Variants in WWC2 observed in about 807,000 individuals in gnomAD.
The protein encoded by WWC2 is WW and C2 domain containing 2, also known as protein WWC2.
Under a neutral mutation model 138.5 loss-of-function variants are expected in WWC2, and 101 were observed. That is an observed-to-expected ratio of 0.73 (90% CI 0.62 to 0.86). The LOEUF is 0.86. Among genes scored for constraint, WWC2 ranks in the 40% least tolerant of loss-of-function variants. The probability of loss-of-function intolerance (pLI) is 0.00; values close to 1 mark genes in which losing one functional copy is unlikely to be tolerated. For missense variants in WWC2, 1,420 were observed against 1,419.4 expected (o/e 1.00, Z -0.01); for synonymous variants, 558 against 538.4 (o/e 1.04, Z -0.50).
Position 183,259,733 on chromosome 4 carries a change from G to A in WWC2, c.1286+5G>A, listed in dbSNP as rs771055350. ...TTTGCATTCACAACTTAAAAGGTGA[G>A]CTTATCAGATTTTTGAGGGGAAAGC... On this transcript the variant is annotated splice_donor_5th_base_variant and intron_variant, in intron 10 of 22. Coordinates refer to ENST00000403733, the MANE Select transcript of WWC2 (RefSeq NM_024949.6). The A allele has an allele frequency of 2.0e-5, 31 of 1,532,904 alleles. No individual in the cohort carries two copies. The South Asian group carries it at 3.8e-4, about 19-fold the overall frequency. 95.0% of individuals were successfully genotyped at this position (1,532,904 alleles called of 1,614,324 possible).
At chr4:183,201,481 G>A (rs1735296691) in intron 2 of WWC2, among the ~76,000 whole-genome samples, 1 of 152,054 alleles carries the variant, frequency 6.6e-6, no homozygotes, top group Non-Finnish European at 1.5e-5. Flanking sequence ...GCTTCTCTTG[G>A]CCTCAAAAGG....
intron 2 of WWC2, among the ~76,000 whole-genome samples, chr4:183,195,431 C>A (rs564382089): frequency 6.8e-4 from 104 of 152,334 alleles, no homozygotes; most frequent in African/African-American, 2.4e-3. Context: ...AACCCACCTT[C>A]AGGGCTTCCT....
chr4:183,267,531 C>G (rs905444757), intron 14 of WWC2, among the ~76,000 whole-genome samples: 1 of 152,214 alleles, frequency 6.6e-6, no homozygotes, highest in African/African-American at 2.4e-5. Flanking sequence ...TAATGCACAA[C>G]TTCAGGAGAA....
intron 1 of WWC2, among the ~76,000 whole-genome samples, chr4:183,177,890 C>T (rs1734509585): frequency 6.6e-6 from 1 of 152,108 alleles, no homozygotes; most frequent in Non-Finnish European, 1.5e-5. Flanking sequence ...ATGATCTTCA[C>T]ATTCTGGAAG....
chr4:183,150,196 G>A (rs532610056), intron 1 of WWC2, among the ~76,000 whole-genome samples: 1 of 152,300 alleles, frequency 6.6e-6, no homozygotes. Context: ...CATTTCAGCT[G>A]CCCAGTTTTT....
At chr4:183,181,572 A>G (rs1171938749) in intron 1 of WWC2, among the ~76,000 whole-genome samples, 3 of 152,180 alleles carry the variant, frequency 2.0e-5, no homozygotes, top group Non-Finnish European at 2.9e-5. Context: ...TGGTTTTCTT[A>G]ATGACTTTTT....
At chr4:183,139,357 A>G (rs140196367) in intron 1 of WWC2, among the ~76,000 whole-genome samples, 153 of 152,284 alleles carry the variant, frequency 1.0e-3, no homozygotes, top group Non-Finnish European at 8.4e-4. Flanking sequence ...TTCAGACTCT[A>G]TAATGGCCTA....
chr4:183,191,265 G>A lies in WWC2; in HGVS notation c.132-2334G>A, dbSNP rs148350990. On this transcript the variant is annotated intron_variant, in intron 1 of 22. Transcript: ENST00000403733. ...AGACAGAATTTGAGCACAATTCTAA[G>A]AATAAAATGTTTTGCATTTGAACTC... 7.0e-4 allele frequency among the ~76,000 whole-genome samples: 107 copies of A among 152,170 alleles called. No individual in the cohort carries two copies. In the Middle Eastern group the frequency reaches 0.02, roughly 29 times the overall value.
rs563488080 is a variant in WWC2, at chr4:183,268,885, C to G, written c.2208-86C>G. Reference sequence around the variant, plus strand: ...TGAACTCCACGATCCCTCATTTTCTCTCTTTGCAGATAATTTCAAATGATA... The same window carrying G: ...TGAACTCCACGATCCCTCATTTTCTGTCTTTGCAGATAATTTCAAATGATA... On this transcript the variant is annotated intron_variant, in intron 14 of 22. Coordinates refer to ENST00000403733, the MANE Select transcript of WWC2 (RefSeq NM_024949.6). 1.1e-5 allele frequency: 15 copies of G among 1,346,830 alleles called. No homozygotes were observed. The East Asian group carries it at 3.2e-4, about 29-fold the overall frequency. The allele number at this position is 1,346,830 out of a possible 1,614,324, so 83.4% of individuals were successfully genotyped here.
intron 1 of WWC2, among the ~76,000 whole-genome samples, chr4:183,103,375 C>T (rs77408613): frequency 0.083 from 12,181 of 147,182 alleles, 703 homozygotes; most frequent in South Asian, 0.18. Context: ...GTTCTGTTGC[C>T]CAAGTTGGAG....
intron 1 of WWC2, among the ~76,000 whole-genome samples, chr4:183,174,481 C>T (rs1328549357): frequency 6.6e-6 from 1 of 152,186 alleles, no homozygotes; most frequent in Non-Finnish European, 1.5e-5. Flanking sequence ...TTCCCACCGT[C>T]CCAAATTTTG....
chr4:183,260,624 A>G (rs1737292725), intron 10 of WWC2, among the ~76,000 whole-genome samples: 1 of 152,254 alleles, frequency 6.6e-6, no homozygotes, highest in Non-Finnish European at 1.5e-5. Flanking sequence ...GCAATAGGCT[A>G]TACCACATAG....
intron 1 of WWC2, among the ~76,000 whole-genome samples, chr4:183,102,127 G>A (rs1743199180): frequency 1.3e-5 from 2 of 152,160 alleles, no homozygotes; most frequent in African/African-American, 4.8e-5. Context: ...TTGCTGGGAT[G>A]TGATCAAAGC....
intron 1 of WWC2, among the ~76,000 whole-genome samples, chr4:183,112,084 A>T (rs1732256069): frequency 6.6e-6 from 1 of 152,222 alleles, no homozygotes; most frequent in Non-Finnish European, 1.5e-5. Context: ...GGACAGCATG[A>T]CTAGAAACCA....
chr4:183,202,289 T>C (rs1735323437), intron 2 of WWC2, among the ~76,000 whole-genome samples: 1 of 152,130 alleles, frequency 6.6e-6, no homozygotes, highest in Admixed American at 6.5e-5. Context: ...GGTTTACATA[T>C]GAAGGATGGG....
At chr4:183,204,331 T>C (rs978252164) in intron 2 of WWC2, among the ~76,000 whole-genome samples, 17 of 152,180 alleles carry the variant, frequency 1.1e-4, no homozygotes, top group African/African-American at 3.6e-4. Context: ...ACACCAACAG[T>C]GTCTGCTACA....
At chr4:183,274,803 A>G (rs1737798169) in intron 16 of WWC2, among the ~76,000 whole-genome samples, 1 of 152,204 alleles carries the variant, frequency 6.6e-6, no homozygotes, top group Admixed American at 6.5e-5. Flanking sequence ...CATTTAAAAC[A>G]AAGTTTGAGG....
chr4:183,127,837 G>A (rs2111063590), intron 1 of WWC2, among the ~76,000 whole-genome samples: 1 of 151,994 alleles, frequency 6.6e-6, no homozygotes, highest in East Asian at 1.9e-4. Flanking sequence ...ATTACAAAGG[G>A]CCAACTGTCC....
intron 1 of WWC2, among the ~76,000 whole-genome samples, chr4:183,188,216 A>C (rs1042318833): frequency 3.3e-5 from 5 of 152,020 alleles, no homozygotes; most frequent in African/African-American, 1.2e-4. Flanking sequence ...TTAGGAAGAG[A>C]TGATTCTCCC....
Sources: allele counts gnomAD v4.1 joint callset (sites outside exome capture counted in the v4.1 genomes callset), GRCh38; gene constraint gnomAD v4.1.1; transcripts MANE v1.5; gene names NCBI Gene and HGNC (gene_info 2026-07-23, HGNC 2026-07-21).